BNC2: variants seen among roughly 807,000 people sequenced by gnomAD.
BNC2 encodes the protein zinc finger protein basonuclin-2.
Under a neutral mutation model 76.3 loss-of-function variants are expected in BNC2, and 20 were observed. The observed-to-expected ratio is 0.26, with a 90% confidence interval of 0.18 to 0.38. The LOEUF is 0.38. Ranked by LOEUF, BNC2 falls within the 10% of genes least tolerant of loss-of-function variation. The probability of loss-of-function intolerance (pLI) is 1.00; values close to 1 mark genes in which losing one functional copy is unlikely to be tolerated. For missense variants in BNC2, 1,382 were observed against 1,399.8 expected, an observed-to-expected ratio of 0.99 and a Z score of 0.20; for synonymous variants, 582 against 514.8, an observed-to-expected ratio of 1.13 and a Z score of -1.77.
chr9:16,502,338 ACT>A lies in BNC2; in HGVS notation c.669+50190_669+50191del, dbSNP rs992100782. Among the ~76,000 whole-genome samples the A allele has an allele frequency of 2.0e-5, 3 of 152,144 alleles. 1 individual carries two copies. The highest frequency in any genetic ancestry group is 4.4e-5 in the Non-Finnish European group (3 of 68,018). The stretch of plus-strand genomic sequence containing the variant: ...ATTCTAGCCTGGGCGACAGAGCAAG[ACT>A]CTGTCTCTAACAACAAAAAGAAGTT... On this transcript the variant is annotated intron_variant, in intron 5 of 6. Coordinates refer to ENST00000380672, the MANE Select transcript of BNC2 (RefSeq NM_017637.6).
At chr9:16,698,507 A>G (rs956657726) in intron 3 of BNC2, among the ~76,000 whole-genome samples, 2 of 152,198 alleles carry the variant, frequency 1.3e-5, no homozygotes, top group Non-Finnish European at 2.9e-5. Flanking sequence ...CCTGACCAAC[A>G]TGGAGAAACC....
At chr9:16,574,071 G>A (rs1819413214) in intron 4 of BNC2, among the ~76,000 whole-genome samples, 1 of 152,046 alleles carries the variant, frequency 6.6e-6, no homozygotes, top group Non-Finnish European at 1.5e-5. Context: ...TGAGGCATAT[G>A]GGGTCCTTAC....
chr9:16,836,387 A>G (rs566340256), intron 1 of BNC2, among the ~76,000 whole-genome samples: 1 of 152,186 alleles, frequency 6.6e-6, no homozygotes, highest in Non-Finnish European at 1.5e-5. Flanking sequence ...CATCAGAAAC[A>G]TATTCTTAGA....
chr9:16,658,143 G>C (rs1821985606), intron 3 of BNC2, among the ~76,000 whole-genome samples: 1 of 152,146 alleles, frequency 6.6e-6, no homozygotes, highest in South Asian at 2.1e-4. Flanking sequence ...ATAAAACTGT[G>C]CAGCAATTTA....
chr9:16,497,772 G>C (rs1822420813), intron 5 of BNC2, among the ~76,000 whole-genome samples: 2 of 152,038 alleles, frequency 1.3e-5, no homozygotes, highest in African/African-American at 4.8e-5. Context: ...CCAACATAAA[G>C]GACATACTAT....
At chr9:16,780,772 T>G (rs1048042539) in intron 1 of BNC2, among the ~76,000 whole-genome samples, 1 of 152,128 alleles carries the variant, frequency 6.6e-6, no homozygotes, top group Admixed American at 6.5e-5. Flanking sequence ...ATAAAACCCC[T>G]GTAAACCAAG....
At chr9:16,698,701 A>G (rs566554426) in intron 3 of BNC2, among the ~76,000 whole-genome samples, 3 of 152,328 alleles carry the variant, frequency 2.0e-5, no homozygotes, top group South Asian at 2.1e-4. Context: ...TCTCAAAAAA[A>G]AAAGCCATGA....
At chr9:16,716,855 TC>T (rs1387765117) in intron 3 of BNC2, among the ~76,000 whole-genome samples, 1 of 152,226 alleles carries the variant, frequency 6.6e-6, no homozygotes, top group Non-Finnish European at 1.5e-5. Context: ...AAGAATGTAA[TC>T]CCTGAACATA....
intron 5 of BNC2, among the ~76,000 whole-genome samples, chr9:16,549,496 T>C (rs1169797176): frequency 6.6e-6 from 1 of 152,246 alleles, no homozygotes; most frequent in Non-Finnish European, 1.5e-5. Flanking sequence ...TGTACACTAA[T>C]AGAGCATTAT....
intron 4 of BNC2, among the ~76,000 whole-genome samples, chr9:16,559,116 A>G (rs1818932009): frequency 6.6e-6 from 1 of 152,166 alleles, no homozygotes; most frequent in Non-Finnish European, 1.5e-5. Context: ...ATTAATAAGG[A>G]AAAATAATGG....
chr9:16,425,443 C>T (rs1461139220), intron 6 of BNC2, among the ~76,000 whole-genome samples: 2 of 152,134 alleles, frequency 1.3e-5, no homozygotes, highest in Non-Finnish European at 2.9e-5. Flanking sequence ...GGCAGGCAGA[C>T]AAAATTGACA....
intron 3 of BNC2, among the ~76,000 whole-genome samples, chr9:16,679,388 C>A (rs1822756032): frequency 6.6e-6 from 1 of 152,164 alleles, no homozygotes; most frequent in Non-Finnish European, 1.5e-5. Flanking sequence ...CGCTATACAG[C>A]AACTTGTTTC....
intron 5 of BNC2, among the ~76,000 whole-genome samples, chr9:16,527,728 G>T (rs1016177292): frequency 1.3e-5 from 2 of 152,180 alleles, no homozygotes; most frequent in Non-Finnish European, 2.9e-5. Flanking sequence ...ATAGTTAACA[G>T]CTGTACCTAC....
chr9:16,479,216 C>G (rs10962439), intron 5 of BNC2, among the ~76,000 whole-genome samples: 8 of 147,196 alleles, frequency 5.4e-5, no homozygotes, highest in African/African-American at 2.1e-4. Context: ...CGCCACTGTA[C>G]TCCAGCCTGG....
At chr9:16,465,506 G>C (rs1016560045) in intron 5 of BNC2, among the ~76,000 whole-genome samples, 4 of 150,166 alleles carry the variant, frequency 2.7e-5, no homozygotes, top group Non-Finnish European at 5.9e-5. Flanking sequence ...CTGAACAGAT[G>C]CCAACATGCC....
chr9:16,555,765 C>A (rs1385101887), intron 4 of BNC2, among the ~76,000 whole-genome samples: 1 of 151,932 alleles, frequency 6.6e-6, no homozygotes, highest in African/African-American at 2.4e-5. Context: ...TCACTGTACT[C>A]CAGCCTGGGC....
intron 1 of BNC2, among the ~76,000 whole-genome samples, chr9:16,775,078 G>C (rs184872543): frequency 6.6e-6 from 1 of 152,246 alleles, no homozygotes; most frequent in East Asian, 1.9e-4. Context: ...CTCACAAGTA[G>C]CAGCAACAGC....
At chr9:16,764,694 T>C (rs1046795245) in intron 1 of BNC2, among the ~76,000 whole-genome samples, 8 of 151,802 alleles carry the variant, frequency 5.3e-5, no homozygotes, top group South Asian at 2.1e-4. Flanking sequence ...TACTAGCTCA[T>C]TAATGTGGAA....
intron 5 of BNC2, among the ~76,000 whole-genome samples, chr9:16,541,593 A>T (rs1419704380): frequency 2.6e-5 from 4 of 152,202 alleles, no homozygotes; most frequent in Non-Finnish European, 4.4e-5. Context: ...TTTCCAGGGG[A>T]ATTTAAGTGT....
Sources: gnomAD v4.1 joint callset for allele counts (sites outside exome capture counted in the v4.1 genomes callset) on GRCh38, gnomAD v4.1.1 for gene constraint, MANE v1.5 for transcripts, NCBI Gene and HGNC (gene_info 2026-07-23, HGNC 2026-07-21) for gene names.